Variants in CSMD1 observed in about 807,000 individuals in gnomAD.
CSMD1 encodes CUB and sushi domain-containing protein 1.
CSMD1 carries 213 observed loss-of-function variants against 417.5 expected under a neutral mutation model. The observed-to-expected ratio is 0.51, with a 90% CI of 0.46 to 0.57. The LOEUF (loss-of-function observed/expected upper bound fraction) is 0.57, where lower values mean the gene tolerates loss of function less well. Ranked by LOEUF, CSMD1 falls within the 20% of genes least tolerant of loss-of-function variation. CSMD1 has a pLI of 0.00. For missense variants in CSMD1, 6,923 were observed against 4,529.7 expected (o/e 1.53, Z -15.17); for synonymous variants, 2,862 against 1,736.8 (o/e 1.65, Z -16.11).
intron 41 of CSMD1, among the ~76,000 whole-genome samples, chr8:3,130,524 T>C (rs1021959970): frequency 6.6e-6 from 1 of 152,054 alleles, no homozygotes; most frequent in Non-Finnish European, 1.5e-5. Context: ...TGACATCACA[T>C]TGCACCTAGA....
intron 26 of CSMD1, among the ~76,000 whole-genome samples, chr8:3,254,722 C>A (rs1800519277): frequency 6.6e-6 from 1 of 152,214 alleles, no homozygotes; most frequent in Admixed American, 6.5e-5. Context: ...TCAGCTCCGT[C>A]AGGTCCTTTA....
intron 12 of CSMD1, among the ~76,000 whole-genome samples, chr8:3,434,210 C>T (rs1436020554): frequency 6.6e-6 from 1 of 152,166 alleles, no homozygotes; most frequent in East Asian, 1.9e-4. Context: ...TTTATGCCAG[C>T]GTCCTTTCAG....
At chr8:3,362,392 T>G (rs935872803) in intron 20 of CSMD1, among the ~76,000 whole-genome samples, 1 of 152,168 alleles carries the variant, frequency 6.6e-6, no homozygotes, top group African/African-American at 2.4e-5. Context: ...AAACCAATGG[T>G]CAATTCTTAG....
chr8:3,903,121 T>C (rs1563194807), intron 5 of CSMD1, among the ~76,000 whole-genome samples: 1 of 152,110 alleles, frequency 6.6e-6, no homozygotes, highest in Non-Finnish European at 1.5e-5. Context: ...GAGACCTTCT[T>C]ACTGGCACTT....
rs34284607 is a variant in CSMD1 at position 3,168,054 on chromosome 8, GAA to G, written c.5726-5779_5726-5778del. On this transcript the variant is annotated intron_variant, in intron 37 of 69. Coordinates refer to ENST00000635120, the MANE Select transcript of CSMD1 (RefSeq NM_033225.6). The stretch of plus-strand genomic sequence containing the variant: ...GTAAGGTTTTCAAACATCACAATTA[GAA>G]AAAAAAAAAAAAGATATTTCAAACT... 6.6e-3 allele frequency among the ~76,000 whole-genome samples: 854 copies of G among 128,680 alleles called. 10 individuals are homozygous for G. Among genetic ancestry groups the G allele is most frequent in the African/African-American group, 0.022 (789 of 35,080 alleles). 84.4% of individuals were successfully genotyped at this position (128,680 alleles called of 152,430 possible).
At chr8:3,943,030 G>A (rs1194380325) in intron 5 of CSMD1, among the ~76,000 whole-genome samples, 2 of 152,060 alleles carry the variant, frequency 1.3e-5, no homozygotes, top group East Asian at 3.9e-4. Context: ...TTGTTACTCA[G>A]GAAAATCCTG....
intron 20 of CSMD1, 28 bp from the exon 21 acceptor site, chr8:3,359,368 C>G: frequency 1.3e-6 from 2 of 1,557,712 alleles, no homozygotes; most frequent in South Asian, 2.3e-5. Context: ...AGAGTAAATG[C>G]ATGAGGATTT....
At chr8:4,063,461 A>G (rs546518120) in intron 3 of CSMD1, among the ~76,000 whole-genome samples, 41 of 152,326 alleles carry the variant, frequency 2.7e-4, no homozygotes, top group African/African-American at 9.9e-4. Context: ...AATGCCTGGC[A>G]TATACCATGT....
At chr8:3,742,297 G>A (rs1054795639) in intron 6 of CSMD1, among the ~76,000 whole-genome samples, 4 of 152,102 alleles carry the variant, frequency 2.6e-5, no homozygotes, top group African/African-American at 7.2e-5. Context: ...TCATACAAAT[G>A]TTTATGAAAT....
Position 3,625,206 on chromosome 8 carries a change from G to A in CSMD1, c.1010-8409C>T, listed in dbSNP as rs536832493. Among the ~76,000 whole-genome samples, 15 of 152,174 alleles carry A rather than the reference G, an allele frequency of 9.9e-5. No homozygotes were observed. The South Asian group carries it at 2.9e-3, about 29-fold the overall frequency. The stretch of plus-strand genomic sequence containing the variant: ...GTAAAATAAGAATTGTTGACACTTG[G>A]ATGATAAACTCTTATTATCGGAGCA... On this transcript the variant is annotated intron_variant, in intron 7 of 69. Coordinates refer to ENST00000635120, the MANE Select transcript of CSMD1 (RefSeq NM_033225.6).
At chr8:3,635,138 C>T (rs2406984) in intron 7 of CSMD1, among the ~76,000 whole-genome samples, 69,482 of 151,730 alleles carry the variant, frequency 0.46, 16,019 homozygotes, top group Middle Eastern at 0.63. Flanking sequence ...AGTAAGTGGA[C>T]GGTGAGTGCG....
At chr8:4,288,782 G>A (rs1797201755) in intron 3 of CSMD1, among the ~76,000 whole-genome samples, 1 of 152,118 alleles carries the variant, frequency 6.6e-6, no homozygotes, top group Admixed American at 6.5e-5. Context: ...TACCTGTCAG[G>A]TCTACGTAGC....
chr8:4,008,600 C>CTTT (rs1161117794), intron 4 of CSMD1, among the ~76,000 whole-genome samples: 11 of 80,450 alleles, frequency 1.4e-4, no homozygotes, highest in African/African-American at 2.6e-4. Flanking sequence ...TTCTTTTTTT[C>CTTT]TTTTTTTTTT....
intron 23 of CSMD1, among the ~76,000 whole-genome samples, chr8:3,320,073 G>A (rs531265930): frequency 1.3e-5 from 2 of 152,226 alleles, no homozygotes; most frequent in South Asian, 4.1e-4. Context: ...AGCATAGAGG[G>A]GCTGCCACCA....
chr8:3,160,215 C>T (rs1819796419), intron 38 of CSMD1, among the ~76,000 whole-genome samples: 1 of 152,162 alleles, frequency 6.6e-6, no homozygotes, highest in South Asian at 2.1e-4. Context: ...CCTCCGCCTC[C>T]TGTTTCAAGC....
rs763113241 is a variant in CSMD1 at position 3,369,302 on chromosome 8, G to C, written c.2851C>G (p.Pro951Ala). 1 of 1,607,876 alleles carries C rather than the reference G, an allele frequency of 6.2e-7. No homozygotes were observed. The highest frequency in any genetic ancestry group is 1.1e-5 in the South Asian group (1 of 90,740). ...VLSPGFPDFY[P>A]NSLNCTWTIE... ...GTCCACGTGCAGTTTAGAGAGTTTG[G>C]ATAAAAATCTGGAAACCCAGGAGAA... Residue 951 changes from proline to alanine, a missense_variant, in exon 19 of 70, where the codon CCA becomes GCA. Pro to Ala is a conservative substitution (Grantham distance 27). Coordinates refer to ENST00000635120, the MANE Select transcript of CSMD1 (RefSeq NM_033225.6).
intron 7 of CSMD1, among the ~76,000 whole-genome samples, chr8:3,659,742 A>T (rs567099808): frequency 3.3e-5 from 5 of 152,294 alleles, no homozygotes; most frequent in African/African-American, 1.2e-4. Context: ...AATTCCCCCA[A>T]CACCCCTATG....
intron 3 of CSMD1, among the ~76,000 whole-genome samples, chr8:4,101,997 C>T (rs773225391): frequency 3.9e-5 from 6 of 152,120 alleles, no homozygotes; most frequent in Admixed American, 2.0e-4. Context: ...ACTGGGGACC[C>T]GGCAATAGCT....
chr8:4,350,042 G>C (rs934573468), intron 3 of CSMD1, among the ~76,000 whole-genome samples: 3 of 152,050 alleles, frequency 2.0e-5, no homozygotes, highest in Admixed American at 6.6e-5. Flanking sequence ...AAGAGGCTTA[G>C]TTTTAGCTTA....
Sources: allele counts gnomAD v4.1 joint callset (sites outside exome capture counted in the v4.1 genomes callset), GRCh38; gene constraint gnomAD v4.1.1; transcripts MANE v1.5; gene names NCBI Gene and HGNC (gene_info 2026-07-23, HGNC 2026-07-21).